The following CDH9 variants were observed in gnomAD, a reference collection of about 807,000 sequenced individuals.
CDH9 encodes the protein cadherin 9.
CDH9 carries 28 observed loss-of-function variants against 70.9 expected under a neutral mutation model. The ratio of observed to expected loss-of-function variants is 0.40; its 90% CI spans 0.29 to 0.54. The LOEUF (loss-of-function observed/expected upper bound fraction) is 0.54. CDH9 is among the 20% of genes least tolerant of loss of function. The pLI is 0.59. For synonymous variants in CDH9, 409 were observed against 343.1 expected (o/e 1.19, Z -2.12); for missense variants, 874 against 984.4 (o/e 0.89, Z 1.50).
At chr5:26,942,713 T>C (rs551507585) in intron 2 of CDH9, among the ~76,000 whole-genome samples, 7 of 152,312 alleles carry the variant, frequency 4.6e-5, no homozygotes, top group South Asian at 4.1e-4. Flanking sequence ...TTATACTGTT[T>C]AGGATCCTGT....
chr5:27,000,397 T>C (rs190629190), intron 1 of CDH9, among the ~76,000 whole-genome samples: 1 of 152,132 alleles, frequency 6.6e-6, no homozygotes, highest in Non-Finnish European at 1.5e-5. Flanking sequence ...CAACAGTAAC[T>C]CTTTCGCTGC....
chr5:27,023,625 A>G (rs1743175604), intron 1 of CDH9, among the ~76,000 whole-genome samples: 1 of 152,076 alleles, frequency 6.6e-6, no homozygotes, highest in African/African-American at 2.4e-5. Context: ...CTGTAAAATC[A>G]GTCAATTAAT....
rs562792401 is a variant in CDH9 at position 26,890,044 on chromosome 5, C to T, written c.1391-87G>A. On this transcript the variant is annotated intron_variant, in intron 8 of 11. Coordinates refer to ENST00000231021, the MANE Select transcript of CDH9 (RefSeq NM_016279.4). The stretch of plus-strand genomic sequence containing the variant: ...CCCATTTGTAGCTTAGCAACAGATC[C>T]TTTTTGTGGTGTTCACTTTCTCAAT... The T allele has an allele frequency of 4.1e-4, 508 of 1,235,034 alleles. 1 individual carries two copies. Among genetic ancestry groups the T allele is most frequent in the Middle Eastern group, 1.1e-3 (6 of 5,280 alleles). The allele number at this position is 1,235,034 out of a possible 1,614,324, so 76.5% of individuals were successfully genotyped here. A position where few individuals can be genotyped will look rare whatever the true frequency, so the allele number is the denominator to read the frequency against.
chr5:26,903,694 G>A lies in CDH9; in HGVS notation c.942C>T (p.Asp314=). The change falls in exon 6 of 12, where the codon GAC becomes GAT. Residue 314 remains aspartate, a synonymous_variant. Coordinates refer to ENST00000231021, the MANE Select transcript of CDH9 (RefSeq NM_016279.4). ...EYSIAEGDGA[D]MFDVITDKDT... is the part of the protein sequence containing the mutation. Reference sequence around the variant, plus strand: ...CCTTGTCAGTGATGACATCGAACATGTCTGCACCATCTCCTTCAGCAATGC... The same window carrying A: ...CCTTGTCAGTGATGACATCGAACATATCTGCACCATCTCCTTCAGCAATGC... 1 of 1,609,884 alleles carries A rather than the reference G, an allele frequency of 6.2e-7. No individual in the cohort carries two copies. Among genetic ancestry groups the A allele is most frequent in the Non-Finnish European group, 8.5e-7 (1 of 1,176,704 alleles).
intron 1 of CDH9, among the ~76,000 whole-genome samples, chr5:26,995,683 T>C (rs556241917): frequency 6.6e-6 from 1 of 152,248 alleles, no homozygotes; most frequent in African/African-American, 2.4e-5. Context: ...GCAAGCTTTT[T>C]ATCCCATTGG....
intron 1 of CDH9, among the ~76,000 whole-genome samples, chr5:26,994,521 T>G (rs928815104): frequency 3.3e-5 from 5 of 151,776 alleles, no homozygotes; most frequent in Non-Finnish European, 5.9e-5. Context: ...CTGTTTTTTT[T>G]GTTTCGTTTT....
intron 2 of CDH9, among the ~76,000 whole-genome samples, chr5:26,984,732 C>T (rs1470141265): frequency 6.6e-6 from 1 of 152,064 alleles, no homozygotes. Context: ...TATAGAGAAG[C>T]TAGATGACAA....
intron 1 of CDH9, among the ~76,000 whole-genome samples, chr5:27,013,964 T>C (rs1182163585): frequency 3.3e-5 from 5 of 152,042 alleles, no homozygotes; most frequent in African/African-American, 1.2e-4. Context: ...AACTGATATC[T>C]GGCACATGCC....
chr5:27,038,486 T>G lies in CDH9; in HGVS notation c.-73A>C, dbSNP rs577394638. ...ACCTTGCTTAACAATGGAACTGAGT[T>G]TAGCCCTACTCCGCACTGACAGTTC... is the stretch of plus-strand genomic sequence containing the variant. On this transcript the variant is annotated 5_prime_UTR_variant, in exon 1 of 12. Transcript: ENST00000231021. 1 of 152,134 alleles carries G rather than the reference T, an allele frequency of 6.6e-6. No homozygotes were observed. Among genetic ancestry groups the G allele is most frequent in the East Asian group, 1.9e-4 (1 of 5,130 alleles). The allele number at this position is 152,134 out of a possible 1,614,324, so 9.4% of individuals were successfully genotyped here. A position where few individuals can be genotyped will look rare whatever the true frequency, so the allele number is the denominator to read the frequency against.
chr5:26,997,751 G>A (rs1470722843), intron 1 of CDH9, among the ~76,000 whole-genome samples: 2 of 151,678 alleles, frequency 1.3e-5, no homozygotes, highest in Non-Finnish European at 1.5e-5. Context: ...CCAGGCTGGA[G>A]TGCAGTGGTG....
chr5:27,029,594 G>A (rs1282940025), intron 1 of CDH9, among the ~76,000 whole-genome samples: 1 of 151,986 alleles, frequency 6.6e-6, no homozygotes, highest in Admixed American at 6.6e-5. Flanking sequence ...CCTCATCACA[G>A]CACAGTACCT....
intron 7 of CDH9, among the ~76,000 whole-genome samples, chr5:26,901,856 C>G (rs1740859881): frequency 6.6e-6 from 1 of 151,772 alleles, no homozygotes; most frequent in Non-Finnish European, 1.5e-5. Flanking sequence ...CAAATTAATA[C>G]TTTTACCTTT....
intron 2 of CDH9, among the ~76,000 whole-genome samples, chr5:26,953,120 T>G (rs1008932586): frequency 3.9e-5 from 6 of 152,112 alleles, no homozygotes; most frequent in Non-Finnish European, 7.4e-5. Flanking sequence ...TGGAACATTT[T>G]TCTCTATCTT....
intron 3 of CDH9, among the ~76,000 whole-genome samples, chr5:26,910,665 T>C (rs764801658): frequency 2.6e-5 from 4 of 152,204 alleles, no homozygotes; most frequent in Non-Finnish European, 5.9e-5. Context: ...GGCTTTTTCC[T>C]GCCCTGTAGC....
rs556056721 is a variant in CDH9, at chr5:27,027,622, T to A, written c.-50+10841A>T. On this transcript the variant is annotated intron_variant, in intron 1 of 11. Transcript: ENST00000231021. Reference sequence around the variant, plus strand: ...ATAGAGTATAACTAATTTTTGTAAGTAGGATATCTGGCTCCAGGACTCTAC... The same window carrying A: ...ATAGAGTATAACTAATTTTTGTAAGAAGGATATCTGGCTCCAGGACTCTAC... 4.6e-5 allele frequency among the ~76,000 whole-genome samples: 7 copies of A among 152,184 alleles called. No individual in the cohort carries two copies. In the South Asian group the frequency reaches 1.5e-3, roughly 32 times the overall value.
At chr5:26,935,017 T>G (rs1489024435) in intron 2 of CDH9, among the ~76,000 whole-genome samples, 1 of 151,744 alleles carries the variant, frequency 6.6e-6, no homozygotes, top group East Asian at 1.9e-4. Context: ...AATCCAATAG[T>G]GTATACAAAT....
intron 1 of CDH9, among the ~76,000 whole-genome samples, chr5:27,001,617 A>T (rs1742769612): frequency 6.6e-6 from 1 of 152,106 alleles, no homozygotes. Context: ...TAGTATATAC[A>T]CATATATATT....
intron 2 of CDH9, among the ~76,000 whole-genome samples, chr5:26,933,571 C>A (rs373970588): frequency 7.9e-5 from 12 of 151,740 alleles, no homozygotes; most frequent in African/African-American, 2.9e-4. Flanking sequence ...GTCAAGAGAT[C>A]GAGACCATCC....
chr5:26,964,555 T>C (rs1368582087), intron 2 of CDH9, among the ~76,000 whole-genome samples: 1 of 152,176 alleles, frequency 6.6e-6, no homozygotes, highest in East Asian at 1.9e-4. Flanking sequence ...GGAGATCATA[T>C]TTATTATATG....
Sources: allele counts gnomAD v4.1 joint callset (sites outside exome capture counted in the v4.1 genomes callset), GRCh38; gene constraint gnomAD v4.1.1; transcripts MANE v1.5; gene names NCBI Gene and HGNC (gene_info 2026-07-23, HGNC 2026-07-21).